The following DLGAP2 variants were observed in gnomAD, a reference collection of about 807,000 sequenced individuals.
DLGAP2 encodes the protein disks large-associated protein 2.
In DLGAP2, 26 loss-of-function variants were observed where a neutral mutation model predicts 100.3. The ratio of observed to expected loss-of-function variants is 0.26; its 90% CI spans 0.19 to 0.36. The LOEUF (loss-of-function observed/expected upper bound fraction) is 0.36, where lower values mean the gene tolerates loss of function less well. Among genes scored for constraint, DLGAP2 ranks in the 10% least tolerant of loss-of-function variants. DLGAP2 has a pLI of 1.00. For synonymous variants in DLGAP2, 886 were observed against 630.1 expected, an observed-to-expected ratio of 1.41 and a Z score of -6.08; for missense variants, 1,858 against 1,453.2, an observed-to-expected ratio of 1.28 and a Z score of -4.53.
intron 1 of DLGAP2, among the ~76,000 whole-genome samples, chr8:780,221 C>G (rs1392683010): frequency 1.3e-5 from 2 of 152,176 alleles, no homozygotes; most frequent in Admixed American, 6.5e-5. Flanking sequence ...TCAGATTCCA[C>G]ATATCCGTGA....
chr8:1,096,900 C>G (rs1197037413), intron 2 of DLGAP2, among the ~76,000 whole-genome samples: 1 of 143,884 alleles, frequency 7.0e-6, no homozygotes, highest in Non-Finnish European at 1.5e-5. Flanking sequence ...AGCGTGAGAC[C>G]CACCTCCCTG....
intron 2 of DLGAP2, among the ~76,000 whole-genome samples, chr8:1,154,810 G>C (rs568373790): frequency 6.6e-6 from 1 of 152,240 alleles, no homozygotes; most frequent in African/African-American, 2.4e-5. Flanking sequence ...AAGACTGTGG[G>C]CCTGACAAAG....
At chr8:1,225,371 T>C (rs1250885983) in intron 2 of DLGAP2, among the ~76,000 whole-genome samples, 1 of 152,208 alleles carries the variant, frequency 6.6e-6, no homozygotes, top group African/African-American at 2.4e-5. Flanking sequence ...GAAATATCCA[T>C]AACTGGTAAA....
intron 2 of DLGAP2, among the ~76,000 whole-genome samples, chr8:1,021,619 C>T (rs1443541449): frequency 6.6e-6 from 1 of 152,150 alleles, no homozygotes; most frequent in Non-Finnish European, 1.5e-5. Flanking sequence ...AGGTCAGAGA[C>T]CACAGATAAT....
chr8:1,467,795 C>G (rs35077378), intron 3 of DLGAP2, among the ~76,000 whole-genome samples: 5 of 152,202 alleles, frequency 3.3e-5, no homozygotes, highest in Non-Finnish European at 7.4e-5. Context: ...CTGTGTCCCA[C>G]AGTGCCTTGG....
chr8:1,344,107 C>T (rs1447931009), intron 3 of DLGAP2, among the ~76,000 whole-genome samples: 1 of 149,520 alleles, frequency 6.7e-6, no homozygotes, highest in Non-Finnish European at 1.5e-5. Flanking sequence ...TGTCGTGGGT[C>T]CATGTATTCG....
At chr8:1,487,203 T>C (rs977968523) in intron 3 of DLGAP2, among the ~76,000 whole-genome samples, 1 of 152,222 alleles carries the variant, frequency 6.6e-6, no homozygotes, top group African/African-American at 2.4e-5. Flanking sequence ...CCGTGAATAA[T>C]AGGAAACCAG....
chr8:956,462 T>C (rs1420018478), intron 2 of DLGAP2, among the ~76,000 whole-genome samples: 1 of 152,140 alleles, frequency 6.6e-6, no homozygotes, highest in African/African-American at 2.4e-5. Flanking sequence ...GAGAGGACCC[T>C]CTCAGCTCTG....
At chr8:1,222,278 C>G (rs996087274) in intron 2 of DLGAP2, among the ~76,000 whole-genome samples, 6 of 152,060 alleles carry the variant, frequency 3.9e-5, no homozygotes, top group African/African-American at 1.4e-4. Context: ...TCTTTGATGC[C>G]CTTGCGAGTT....
chr8:1,200,967 G>A (rs1362919096), intron 2 of DLGAP2, among the ~76,000 whole-genome samples: 2 of 152,184 alleles, frequency 1.3e-5, no homozygotes, highest in African/African-American at 4.8e-5. Context: ...GGGGCGCTGC[G>A]CTCGGCCTTA....
chr8:1,208,367 G>T (rs1338127033), intron 2 of DLGAP2, among the ~76,000 whole-genome samples: 1 of 152,080 alleles, frequency 6.6e-6, no homozygotes, highest in African/African-American at 2.4e-5. Flanking sequence ...AGATCAGTTG[G>T]CTGTAAAATC....
intron 3 of DLGAP2, among the ~76,000 whole-genome samples, chr8:1,500,800 G>A (rs1024474091): frequency 3.3e-5 from 5 of 152,232 alleles, no homozygotes; most frequent in African/African-American, 1.2e-4. Context: ...CAGTGACCTG[G>A]GTGATCTCCC....
chr8:1,364,510 G>A lies in DLGAP2; in HGVS notation c.106+105627G>A, dbSNP rs546475320. Among the ~76,000 whole-genome samples, 302 of 149,212 alleles carry A rather than the reference G, an allele frequency of 2.0e-3. 4 individuals are homozygous for A. The highest frequency in any genetic ancestry group is 7.2e-3 in the African/African-American group (294 of 40,714). The stretch of plus-strand genomic sequence containing the variant: ...GCCGGTCATGGGAAGGGCGGGGGGG[G>A]TGCAGCGAAGCAGACACATTTTCCC... On this transcript the variant is annotated intron_variant, in intron 3 of 14. Transcript: ENST00000637795.
At chr8:841,719 C>A (rs1427590201) in intron 1 of DLGAP2, among the ~76,000 whole-genome samples, 1 of 152,018 alleles carries the variant, frequency 6.6e-6, no homozygotes, top group East Asian at 1.9e-4. Context: ...TAGCTGGGAC[C>A]GCAGGTGCCG....
intron 3 of DLGAP2, among the ~76,000 whole-genome samples, chr8:1,364,144 C>T (rs563502494): frequency 3.3e-5 from 5 of 152,188 alleles, no homozygotes; most frequent in African/African-American, 7.2e-5. Flanking sequence ...GCCCGTCTCC[C>T]GTGCCTCCTC....
chr8:1,549,410 C>G lies in DLGAP2; in HGVS notation c.957C>G (p.His319Gln). 1.2e-6 allele frequency: 2 copies of G among 1,613,472 alleles called. No homozygotes were observed. Among genetic ancestry groups the G allele is most frequent in the African/African-American group, 2.7e-5 (2 of 75,070 alleles). Residue 319 changes from histidine (H) to glutamine (Q), a missense_variant, in exon 5 of 15, where the codon CAC becomes CAG. Transcript: ENST00000637795. ...YRTPSVLNRH[H>Q]LGPVAHCYPD... The stretch of plus-strand genomic sequence containing the variant: ...CGCCCAGCGTGCTCAACCGGCACCA[C>G]CTGGGCCCCGTGGCCCACTGCTACC...
chr8:1,145,887 G>C (rs1254288221), intron 2 of DLGAP2, among the ~76,000 whole-genome samples: 4 of 150,628 alleles, frequency 2.7e-5, no homozygotes, highest in Non-Finnish European at 5.9e-5. Context: ...TCTTGCGATA[G>C]TTTACTGAGA....
intron 3 of DLGAP2, among the ~76,000 whole-genome samples, chr8:1,346,252 C>T (rs903336057): frequency 6.0e-5 from 9 of 150,816 alleles, no homozygotes; most frequent in Non-Finnish European, 1.3e-4. Flanking sequence ...CTGCATTGCT[C>T]TCATGGTAGC....
intron 2 of DLGAP2, among the ~76,000 whole-genome samples, chr8:1,097,068 C>G (rs1321945932): frequency 3.5e-5 from 5 of 141,800 alleles, no homozygotes; most frequent in Non-Finnish European, 7.6e-5. Context: ...GAGGTCCCCT[C>G]CAGTGTGAGA....
Sources: gnomAD v4.1 joint callset for allele counts (sites outside exome capture counted in the v4.1 genomes callset) on GRCh38, gnomAD v4.1.1 for gene constraint, MANE v1.5 for transcripts, NCBI Gene and HGNC (gene_info 2026-07-23, HGNC 2026-07-21) for gene names.